OLFML2A: variants seen among roughly 807,000 people sequenced by gnomAD.
OLFML2A encodes olfactomedin like 2A, also known as olfactomedin-like protein 2A.
In OLFML2A, 47 loss-of-function variants were observed where a neutral mutation model predicts 60.9. The ratio of observed to expected loss-of-function variants is 0.77; its 90% CI spans 0.61 to 0.98. The LOEUF is 0.98. OLFML2A is among the 50% of genes least tolerant of loss of function. OLFML2A has a pLI of 0.00. For synonymous variants in OLFML2A, 372 were observed against 375.0 expected (o/e 0.99, Z 0.09); for missense variants, 922 against 879.8 (o/e 1.05, Z -0.61).
intron 2 of OLFML2A, among the ~76,000 whole-genome samples, chr9:124,794,154 G>A (rs1841620534): frequency 6.6e-6 from 1 of 152,252 alleles, no homozygotes; most frequent in South Asian, 2.1e-4. Context: ...GCCAGCCTCA[G>A]TCACATCCCC....
chr9:124,809,836 C>G lies in OLFML2A; in HGVS notation c.1383C>G (p.Pro461=). The change falls in exon 8 of 8, where the codon CCC becomes CCG. Residue 461 remains proline, a synonymous_variant. Coordinates refer to ENST00000373580, the MANE Select transcript of OLFML2A (RefSeq NM_182487.4). ...QGRWSNMYKL[P]YNWIGTGHVV... ...GCTGGAGTAACATGTACAAGCTACC[C>G]TACAACTGGATCGGCACAGGCCACG... 1 of 1,612,526 alleles carries G rather than the reference C, an allele frequency of 6.2e-7. No individual in the cohort carries two copies. Among genetic ancestry groups the G allele is most frequent in the Non-Finnish European group, 8.5e-7 (1 of 1,179,048 alleles).
chr9:124,801,470 C>G lies in OLFML2A; in HGVS notation c.726C>G (p.Ser242Arg). Reference sequence around the variant, plus strand: ...GCAAGTATGGCAGTGTGCAGAAAAGCTTTGCAGACAGAGGCCTCCCAAAAC... The same window carrying G: ...GCAAGTATGGCAGTGTGCAGAAAAGGTTTGCAGACAGAGGCCTCCCAAAAC... ...DISKYGSVQK[S>R]FADRGLPKPP... The change falls in exon 5 of 8, where the codon AGC becomes AGG. Residue 242 changes from serine (S) to arginine (R), a missense_variant. Physicochemically the swap from Ser to Arg is moderately radical, Grantham distance 110 (BLOSUM62 -1). Transcript: ENST00000373580. 2 of 1,614,080 alleles carry G rather than the reference C, an allele frequency of 1.2e-6. No individual in the cohort carries two copies.
intron 6 of OLFML2A, among the ~76,000 whole-genome samples, chr9:124,807,562 C>T (rs989523462): frequency 3.3e-5 from 5 of 152,068 alleles, no homozygotes; most frequent in African/African-American, 4.8e-5. Context: ...GGATTATAGG[C>T]GTCAGCCATT....
Position 124,810,362 on chromosome 9 carries a change from G to C in OLFML2A, c.1909G>C (p.Ala637Pro). 3 of 1,602,426 alleles carry C rather than the reference G, an allele frequency of 1.9e-6. No individual in the cohort carries two copies. Among genetic ancestry groups the C allele is most frequent in the Non-Finnish European group, 2.5e-6 (3 of 1,179,826 alleles). ...CAACCCCAAGGAGCGGGTGCTGTAC[G>C]CCTGGGACAATGGCCACCAGCTCAC... The part of the protein sequence containing the change: ...DYNPKERVLY[A>P]WDNGHQLTYT... The change falls in exon 8 of 8, where the codon GCC becomes CCC. Residue 637 changes from alanine (A) to proline (P), a missense_variant. By Grantham distance (27) the Ala-to-Pro change is conservative (BLOSUM62 -1). Coordinates refer to ENST00000373580, the MANE Select transcript of OLFML2A (RefSeq NM_182487.4).
intron 1 of OLFML2A, among the ~76,000 whole-genome samples, chr9:124,778,772 G>A (rs943347636): frequency 6.6e-6 from 1 of 151,944 alleles, no homozygotes; most frequent in Non-Finnish European, 1.5e-5. Context: ...ACTCCAACCT[G>A]GGGAACAGAG....
At chr9:124,783,567 A>T (rs185643991) in intron 1 of OLFML2A, among the ~76,000 whole-genome samples, 2 of 152,262 alleles carry the variant, frequency 1.3e-5, no homozygotes, top group African/African-American at 4.8e-5. Context: ...AATCCTCACA[A>T]CCACCTCATG....
rs760146826 is a variant in OLFML2A at position 124,809,892 on chromosome 9, G to A, written c.1439G>A (p.Arg480His). The change falls in exon 8 of 8, where the codon CGC becomes CAC. Residue 480 changes from arginine to histidine, a missense_variant. By Grantham distance (29) the Arg-to-His change is conservative. Transcript: ENST00000373580. ...TACCAGGGCGCCTTCTACTACAACC[G>A]CGCCTTCACCAAGAACATCATCAAG... is the stretch of plus-strand genomic sequence containing the variant. Reference protein sequence around the residue: ...VVYQGAFYYNRAFTKNIIKYD... With the variant: ...VVYQGAFYYNHAFTKNIIKYD... The A allele has an allele frequency of 2.5e-6, 4 of 1,614,186 alleles. No individual in the cohort carries two copies. The Admixed American group carries it at 5.0e-5, about 20-fold the overall frequency.
rs990227467 is a variant in OLFML2A, at chr9:124,777,314, C to T, written c.44C>T (p.Pro15Leu). Reference sequence around the variant, plus strand: ...CCGCCCCGGCCGCTGCTCCTTCTGCCGCTAGTGCTGCTGCTGAGCGGCCGC... The same window carrying T: ...CCGCCCCGGCCGCTGCTCCTTCTGCTGCTAGTGCTGCTGCTGAGCGGCCGC... ...ALPPRPLLLL[P>L]LVLLLSGRPT... is the part of the protein sequence containing the mutation. The change falls in exon 1 of 8, where the codon CCG becomes CTG. Residue 15 changes from proline (P) to leucine (L), a missense_variant. By Grantham distance (98) the Pro-to-Leu change is moderately conservative (BLOSUM62 -3). Coordinates refer to ENST00000373580, the MANE Select transcript of OLFML2A (RefSeq NM_182487.4). The surrounding 1 kb of genome is among the most constrained non-coding windows in gnomAD (Gnocchi z 6.2). The T allele has an allele frequency of 2.3e-6, 3 of 1,298,232 alleles. No individual in the cohort carries two copies. Among genetic ancestry groups the T allele is most frequent in the Non-Finnish European group, 2.9e-6 (3 of 1,017,236 alleles). The allele number at this position is 1,298,232 out of a possible 1,614,324, so 80.4% of individuals were successfully genotyped here.
chr9:124,795,788 T>C (rs551696420), intron 3 of OLFML2A, among the ~76,000 whole-genome samples: 1 of 152,210 alleles, frequency 6.6e-6, no homozygotes. Flanking sequence ...AGATACCTTG[T>C]CGGAGTGCCC....
intron 7 of OLFML2A, 149 bp from the exon 8 acceptor site, chr9:124,809,659 T>A (rs1447992132): frequency 1.2e-6 from 1 of 850,848 alleles, no homozygotes; most frequent in Non-Finnish European, 1.8e-6. Flanking sequence ...GCTTGTGCCA[T>A]AATAAGATGT....
chr9:124,791,871 C>T (rs1413581636), intron 2 of OLFML2A, among the ~76,000 whole-genome samples: 1 of 151,918 alleles, frequency 6.6e-6, no homozygotes, highest in African/African-American at 2.4e-5. Flanking sequence ...CCTAAAAAAC[C>T]TACTCCCATT....
At chr9:124,809,331 G>C (rs755078381) in intron 7 of OLFML2A, among the ~76,000 whole-genome samples, 1 of 152,094 alleles carries the variant, frequency 6.6e-6, no homozygotes, top group African/African-American at 2.4e-5. Flanking sequence ...TGTCCTGGGG[G>C]GATAAAAGAC....
chr9:124,792,691 G>A (rs1027890798), intron 2 of OLFML2A, among the ~76,000 whole-genome samples: 3 of 152,138 alleles, frequency 2.0e-5, no homozygotes, highest in Non-Finnish European at 2.9e-5. Context: ...GGCCATGAAG[G>A]CAGCAGAGTG....
intron 1 of OLFML2A, chr9:124,778,811 CAAACA>C: frequency 4.8e-6 from 1 of 209,528 alleles, no homozygotes; most frequent in Non-Finnish European, 8.1e-6. Context: ...CAAAACAAAA[CAAACA>C]AAAAAAAAAA....
intron 1 of OLFML2A, among the ~76,000 whole-genome samples, chr9:124,780,313 C>G (rs149935849): frequency 0.012 from 1,891 of 152,286 alleles, 16 homozygotes; most frequent in Non-Finnish European, 0.02. Context: ...GTTTCCCCAT[C>G]TGTGAAAGGG....
In OLFML2A at chr9:124,805,467, T is replaced by C. The variant is rs575762809; in HGVS notation, c.1168+1125T>C. Among the ~76,000 whole-genome samples the C allele has an allele frequency of 2.6e-5, 4 of 152,258 alleles. No homozygotes were observed. In the South Asian group the frequency reaches 8.3e-4, roughly 32 times the overall value. On this transcript the variant is annotated intron_variant, in intron 6 of 7. Transcript: ENST00000373580. ...ATCACATCATTAAAAGCCTATTTAATGATGAGAGAAATTGCTCAACGGAGG... is the reference window on the plus strand; with the variant it reads ...ATCACATCATTAAAAGCCTATTTAACGATGAGAGAAATTGCTCAACGGAGG...
intron 1 of OLFML2A, 58 bp from the exon 2 acceptor site, chr9:124,786,917 C>T (rs1056845521): frequency 1.6e-5 from 25 of 1,548,536 alleles, no homozygotes; most frequent in Non-Finnish European, 2.2e-5. Flanking sequence ...TCCCTTCCTC[C>T]CTGCCATAGC....
At position 124,809,766 on chromosome 9, in the gene OLFML2A, G is replaced by A. The variant is rs1564289811; in HGVS notation, c.1355-42G>A. The A allele has an allele frequency of 1.9e-6, 3 of 1,553,440 alleles. No individual in the cohort carries two copies. The South Asian group carries it at 3.7e-5, about 19-fold the overall frequency. On this transcript the variant is annotated intron_variant, in intron 7 of 7. Coordinates refer to ENST00000373580, the MANE Select transcript of OLFML2A (RefSeq NM_182487.4). Reference sequence around the variant, plus strand: ...GCTCAGGGGATGTGGGTGGGCTGGGGTTGCTCGGGAGGTCTGGGGTGACCA... The same window carrying A: ...GCTCAGGGGATGTGGGTGGGCTGGGATTGCTCGGGAGGTCTGGGGTGACCA...
At chr9:124,796,224 G>C (rs1841668603) in intron 3 of OLFML2A, among the ~76,000 whole-genome samples, 1 of 152,232 alleles carries the variant, frequency 6.6e-6, no homozygotes, top group South Asian at 2.1e-4. Flanking sequence ...TATTCGAAAA[G>C]TGTTTGGTAT....
Sources: gnomAD v4.1 joint callset for allele counts (sites outside exome capture counted in the v4.1 genomes callset) on GRCh38, gnomAD v4.1.1 for gene constraint, Gnocchi (gnomAD v3.1) non-coding constraint, MANE v1.5 for transcripts, NCBI Gene and HGNC (gene_info 2026-07-23, HGNC 2026-07-21) for gene names.